CDYL: variants seen among roughly 807,000 people sequenced by gnomAD.
CDYL encodes the protein chromodomain Y-like protein.
Under a neutral mutation model 47.3 loss-of-function variants are expected in CDYL, and 8 were observed. The observed-to-expected ratio is 0.17, with a 90% CI of 0.10 to 0.31. CDYL has a LOEUF of 0.31. Ranked by LOEUF, CDYL falls within the 10% of genes least tolerant of loss-of-function variation. The probability of loss-of-function intolerance (pLI) is 1.00; values close to 1 mark genes in which losing one functional copy is unlikely to be tolerated. For synonymous variants in CDYL, 266 were observed against 265.0 expected (o/e 1.00, Z -0.04); for missense variants, 471 against 701.4 (o/e 0.67, Z 3.71).
At chr6:4,817,428 CCGG>C (rs3055081) in intron 1 of CDYL, among the ~76,000 whole-genome samples, 5,136 of 152,008 alleles carry the variant, frequency 0.034, 297 homozygotes, top group African/African-American at 0.12. Flanking sequence ...CTCACTCCCA[CCGG>C]CAGTACCTGA....
intron 1 of CDYL, among the ~76,000 whole-genome samples, chr6:4,803,821 T>C (rs1759293111): frequency 6.6e-6 from 1 of 151,814 alleles, no homozygotes; most frequent in Non-Finnish European, 1.5e-5. Context: ...TTTTTAAAAG[T>C]AGTTAAAAGA....
At chr6:4,819,700 A>C (rs1294400779) in intron 1 of CDYL, among the ~76,000 whole-genome samples, 1 of 152,172 alleles carries the variant, frequency 6.6e-6, no homozygotes, top group Non-Finnish European at 1.5e-5. Flanking sequence ...AGTGGTTTTC[A>C]GAGGGGGAGG....
chr6:4,939,287 G>A (rs1332623455), intron 4 of CDYL, among the ~76,000 whole-genome samples: 1 of 151,994 alleles, frequency 6.6e-6, no homozygotes, highest in African/African-American at 2.4e-5. Flanking sequence ...TGGGTAGGGG[G>A]GCTCTTTTTT....
At position 4,926,507 on chromosome 6, in the gene CDYL, T is replaced by C. The variant is rs116449314; in HGVS notation, c.692-9008T>C. Reference sequence around the variant, plus strand: ...CTGCCTTGAAAACATTAAAACTTGCTAACTCTTGATTAGACAATTCTAAAC... The same window carrying C: ...CTGCCTTGAAAACATTAAAACTTGCCAACTCTTGATTAGACAATTCTAAAC... On this transcript the variant is annotated intron_variant, in intron 2 of 6. Transcript: ENST00000397588. 1.4e-3 allele frequency among the ~76,000 whole-genome samples: 207 copies of C among 152,334 alleles called. 1 individual carries two copies. The highest frequency in any genetic ancestry group is 2.3e-3 in the Non-Finnish European group (158 of 68,036).
Position 4,734,914 on chromosome 6 carries a change from C to T in CDYL, c.186+70C>T, listed in dbSNP as rs562596810. On this transcript the variant is annotated intron_variant, in intron 3 of 8. Transcript: ENST00000328908. ...CAAGGAAGAGCCCATAGGGGAATCG[C>T]CCCACACCACACTCTCCCTTTACAT... 3.1e-6 allele frequency: 5 copies of T among 1,590,274 alleles called. No homozygotes were observed. The South Asian group carries it at 4.6e-5, about 15-fold the overall frequency.
At chr6:4,858,625 G>A (rs540557999) in intron 1 of CDYL, among the ~76,000 whole-genome samples, 2 of 152,222 alleles carry the variant, frequency 1.3e-5, no homozygotes, top group Non-Finnish European at 2.9e-5. Flanking sequence ...CCTGTGACCT[G>A]CCTTTTGTTT....
intron 1 of CDYL, among the ~76,000 whole-genome samples, chr6:4,804,060 C>T (rs955553223): frequency 2.7e-5 from 4 of 149,454 alleles, no homozygotes; most frequent in African/African-American, 9.9e-5. Context: ...AGTTTGCTCT[C>T]TTTAGGAAAC....
chr6:4,866,344 GTTAT>G (rs1374080340), intron 1 of CDYL, among the ~76,000 whole-genome samples: 7 of 152,080 alleles, frequency 4.6e-5, no homozygotes, highest in Admixed American at 2.6e-4. Flanking sequence ...TGCAAAAGTG[GTTAT>G]TTATTTATTT....
chr6:4,881,968 C>T lies in CDYL; in HGVS notation c.25-9745C>T, dbSNP rs183167683. Among the ~76,000 whole-genome samples the T allele has an allele frequency of 3.6e-3, 554 of 152,298 alleles. 1 individual carries two copies. The highest frequency in any genetic ancestry group is 0.012 in the African/African-American group (490 of 41,552). ...AGAAGACAAAAGTCATTTCTCCTGC[C>T]AGAGGCTGGAGCAGGCATGCTCACT... On this transcript the variant is annotated intron_variant, in intron 1 of 6. Coordinates refer to ENST00000397588, the MANE Select transcript of CDYL (RefSeq NM_004824.4).
chr6:4,714,864 C>T (rs1469343201), intron 1 of CDYL: 1 of 152,196 alleles, frequency 6.6e-6, no homozygotes, highest in Non-Finnish European at 1.5e-5. Flanking sequence ...TCTGTATTGA[C>T]AAGCAGCAAT....
At chr6:4,811,487 T>G (rs1759527255) in intron 1 of CDYL, among the ~76,000 whole-genome samples, 1 of 152,222 alleles carries the variant, frequency 6.6e-6, no homozygotes, top group Admixed American at 6.5e-5. Flanking sequence ...CAACACTAGT[T>G]GGCCCTCTCT....
At chr6:4,790,967 A>G (rs1758900568) in intron 1 of CDYL, among the ~76,000 whole-genome samples, 2 of 152,234 alleles carry the variant, frequency 1.3e-5, no homozygotes, top group African/African-American at 4.8e-5. Flanking sequence ...GCAAGTGCTC[A>G]CTTTGGAAGA....
At chr6:4,722,423 C>G (rs911596487) in intron 2 of CDYL, among the ~76,000 whole-genome samples, 2 of 152,026 alleles carry the variant, frequency 1.3e-5, no homozygotes, top group African/African-American at 4.8e-5. Flanking sequence ...TAAAAAAACA[C>G]AAAAACTAAT....
At chr6:4,921,338 A>G (rs780615256) in intron 2 of CDYL, among the ~76,000 whole-genome samples, 2 of 152,292 alleles carry the variant, frequency 1.3e-5, no homozygotes, top group Non-Finnish European at 2.9e-5. Flanking sequence ...CCTTCTCCCC[A>G]TTTGTGAAAA....
intron 1 of CDYL, among the ~76,000 whole-genome samples, chr6:4,890,441 T>C (rs1341401695): frequency 1.3e-5 from 2 of 152,238 alleles, no homozygotes; most frequent in Non-Finnish European, 2.9e-5. Context: ...GGCCCTGTGA[T>C]GAGCTAAGGT....
chr6:4,741,081 C>G (rs774123909), intron 3 of CDYL, among the ~76,000 whole-genome samples: 12 of 152,192 alleles, frequency 7.9e-5, no homozygotes, highest in Non-Finnish European at 1.8e-4. Flanking sequence ...GCCAACACAC[C>G]TAGCCTCTAT....
chr6:4,724,435 T>TA (rs2127411470), intron 2 of CDYL: 1 of 152,504 alleles, frequency 6.6e-6, no homozygotes, highest in South Asian at 2.1e-4. Context: ...GCTGCAGTAC[T>TA]GTGCCAAATG....
intron 2 of CDYL, among the ~76,000 whole-genome samples, chr6:4,894,124 T>C (rs1183429757): frequency 2.0e-5 from 3 of 152,148 alleles, no homozygotes; most frequent in African/African-American, 7.2e-5. Context: ...AGTTCAGAGG[T>C]AGAAGGGACT....
At chr6:4,879,724 A>G (rs1322458144) in intron 1 of CDYL, among the ~76,000 whole-genome samples, 1 of 151,860 alleles carries the variant, frequency 6.6e-6, no homozygotes, top group African/African-American at 2.4e-5. Context: ...ATGCCCAGCT[A>G]ATTTTTTGTA....
Sources: allele counts gnomAD v4.1 joint callset (sites outside exome capture counted in the v4.1 genomes callset), GRCh38; gene constraint gnomAD v4.1.1; transcripts MANE v1.5; gene names NCBI Gene and HGNC (gene_info 2026-07-23, HGNC 2026-07-21).